The following ASTN2 variants were observed in gnomAD, a reference collection of about 807,000 sequenced individuals.
The protein encoded by ASTN2 is astrotactin 2, also known as astrotactin-2.
A neutral mutation model predicts 139.8 loss-of-function variants in ASTN2; 54 were observed. The ratio of observed to expected loss-of-function variants is 0.39; its 90% CI spans 0.31 to 0.48. The LOEUF is 0.48. Among genes scored for constraint, ASTN2 ranks in the 20% least tolerant of loss-of-function variants. The pLI is 0.95. For synonymous variants in ASTN2, 756 were observed against 719.5 expected (o/e 1.05, Z -0.81); for missense variants, 1,565 against 1,725.1 (o/e 0.91, Z 1.64).
At chr9:116,891,199 GCTAA>G (rs1833754455) in intron 10 of ASTN2, among the ~76,000 whole-genome samples, 1 of 152,178 alleles carries the variant, frequency 6.6e-6, no homozygotes, top group Non-Finnish European at 1.5e-5. Context: ...TTTGAGTAGT[GCTAA>G]CTATTAACTT....
chr9:116,766,256 T>C (rs1418335007), intron 13 of ASTN2, among the ~76,000 whole-genome samples: 1 of 151,962 alleles, frequency 6.6e-6, no homozygotes, highest in Non-Finnish European at 1.5e-5. Flanking sequence ...AATACACACG[T>C]GCACTGACAC....
At chr9:116,895,530 G>A (rs555759678) in intron 10 of ASTN2, among the ~76,000 whole-genome samples, 3 of 152,350 alleles carry the variant, frequency 2.0e-5, no homozygotes, top group African/African-American at 7.2e-5. Flanking sequence ...GGCAAAGGAT[G>A]TGAGTTAGAA....
intron 16 of ASTN2, among the ~76,000 whole-genome samples, chr9:116,677,552 G>C (rs1013495645): frequency 6.6e-6 from 1 of 152,130 alleles, no homozygotes; most frequent in South Asian, 2.1e-4. Context: ...TGCACACTTG[G>C]ATCAGAGAAG....
At chr9:116,942,338 C>A (rs1248203176) in intron 10 of ASTN2, among the ~76,000 whole-genome samples, 1 of 152,148 alleles carries the variant, frequency 6.6e-6, no homozygotes, top group Non-Finnish European at 1.5e-5. Context: ...AGACGTGGCC[C>A]TCTTCTCTGA....
intron 5 of ASTN2, among the ~76,000 whole-genome samples, chr9:117,080,678 T>C (rs1449128615): frequency 2.0e-5 from 3 of 152,176 alleles, no homozygotes; most frequent in African/African-American, 7.2e-5. Flanking sequence ...GTAAAAACAA[T>C]GAGCATACCA....
At chr9:117,380,079 G>C (rs1465928970) in intron 1 of ASTN2, among the ~76,000 whole-genome samples, 1 of 152,148 alleles carries the variant, frequency 6.6e-6, no homozygotes, top group East Asian at 1.9e-4. Flanking sequence ...GATATAGCAG[G>C]AGAAGGTGGG....
chr9:117,011,240 A>C (rs1403148258), intron 6 of ASTN2, among the ~76,000 whole-genome samples: 1 of 152,214 alleles, frequency 6.6e-6, no homozygotes, highest in African/African-American at 2.4e-5. Context: ...CAATAAATGG[A>C]AAGTTTGTGT....
chr9:117,134,295 TACACACACAC>T (rs3041140), intron 4 of ASTN2, among the ~76,000 whole-genome samples: 1,702 of 75,446 alleles, frequency 0.023, 38 homozygotes, highest in Middle Eastern at 0.054. Flanking sequence ...TATATATATA[TACACACACAC>T]ACACACACAC....
At chr9:116,445,743 T>C (rs1847968157) in intron 20 of ASTN2, among the ~76,000 whole-genome samples, 2 of 152,214 alleles carry the variant, frequency 1.3e-5, no homozygotes, top group South Asian at 2.1e-4. Flanking sequence ...GGTGAAATTA[T>C]CCATATCTCA....
chr9:116,515,774 C>A (rs1850621646), intron 19 of ASTN2, among the ~76,000 whole-genome samples: 1 of 152,164 alleles, frequency 6.6e-6, no homozygotes, highest in African/African-American at 2.4e-5. Flanking sequence ...TAATGATCTA[C>A]TGAGCAGACA....
chr9:117,413,779 G>T (rs1170483702), intron 1 of ASTN2, among the ~76,000 whole-genome samples: 5 of 152,144 alleles, frequency 3.3e-5, no homozygotes, highest in African/African-American at 1.2e-4. Flanking sequence ...AGGACAAACC[G>T]GCTCTCTGCC....
chr9:116,963,162 G>T (rs972284170), intron 10 of ASTN2, among the ~76,000 whole-genome samples: 4 of 152,170 alleles, frequency 2.6e-5, no homozygotes, highest in Non-Finnish European at 5.9e-5. Flanking sequence ...CATGAACATA[G>T]CAATGAGGTG....
intron 7 of ASTN2, among the ~76,000 whole-genome samples, chr9:116,978,158 G>C (rs1836405825): frequency 6.6e-6 from 1 of 152,128 alleles, no homozygotes; most frequent in Non-Finnish European, 1.5e-5. Flanking sequence ...AGCCAGTGTA[G>C]TGTGATTCTC....
chr9:116,961,251 A>G (rs145845497), intron 10 of ASTN2, among the ~76,000 whole-genome samples: 1 of 135,072 alleles, frequency 7.4e-6, no homozygotes, highest in East Asian at 2.2e-4. Context: ...AATCACTTTT[A>G]AGAGTATAAT....
At chr9:116,697,364 A>G (rs897391125) in intron 16 of ASTN2, 4 of 280,950 alleles carry the variant, frequency 1.4e-5, no homozygotes, top group Non-Finnish European at 6.9e-6. Context: ...TATTACTTCT[A>G]TTTTACAGAT....
intron 20 of ASTN2, among the ~76,000 whole-genome samples, chr9:116,474,919 TAAAG>T (rs1429725627): frequency 6.6e-6 from 1 of 152,126 alleles, no homozygotes; most frequent in Non-Finnish European, 1.5e-5. Flanking sequence ...CAAGGAACCC[TAAAG>T]TAGAAAGTGA....
At chr9:116,910,797 G>A (rs1297545224) in intron 10 of ASTN2, among the ~76,000 whole-genome samples, 1 of 152,200 alleles carries the variant, frequency 6.6e-6, no homozygotes, top group Non-Finnish European at 1.5e-5. Context: ...TCTGTTAAGA[G>A]GGTGACAGTG....
At position 116,618,456 on chromosome 9, in the gene ASTN2, T is replaced by C. The variant is rs370336162; in HGVS notation, c.3223A>G (p.Thr1075Ala). The change falls in exon 19 of 23, where the codon ACA becomes GCA. Residue 1075 changes from threonine (T) to alanine (A), a missense_variant. This residue lies in a region of ASTN2 where 418 missense variants were observed against 465.8 expected (regional missense o/e 0.90). Coordinates refer to ENST00000313400, the MANE Select transcript of ASTN2 (RefSeq NM_001365068.1). ...ACCACAGTACTGGAGGGCTCCACTG[T>C]TGGGGACAGCCGCAGCCTACAGGGA... Reference protein sequence around the residue: ...LLQPVLRLSPTVEPSSTVVSL... With the variant: ...LLQPVLRLSPAVEPSSTVVSL... 1.1e-4 allele frequency: 176 copies of C among 1,612,754 alleles called. No homozygotes were observed. The highest frequency in any genetic ancestry group is 1.5e-4 in the Admixed American group (9 of 59,646).
At chr9:116,502,741 A>C (rs1849925480) in intron 19 of ASTN2, among the ~76,000 whole-genome samples, 1 of 48,642 alleles carries the variant, frequency 2.1e-5, no homozygotes, top group African/African-American at 1.0e-4. Context: ...GAATGAATGA[A>C]TGAATGAGGG....
Sources: gnomAD v4.1 joint callset for allele counts (sites outside exome capture counted in the v4.1 genomes callset) on GRCh38, gnomAD v4.1.1 for gene constraint, gnomAD v4.1.1 regional missense constraint, MANE v1.5 for transcripts, NCBI Gene and HGNC (gene_info 2026-07-23, HGNC 2026-07-21) for gene names.